TIAM2: variants seen among roughly 807,000 people sequenced by gnomAD.
TIAM2 encodes TIAM Rac1 associated GEF 2.
Under a neutral mutation model 152.9 loss-of-function variants are expected in TIAM2, and 80 were observed. The ratio of observed to expected loss-of-function variants is 0.52; its 90% CI spans 0.44 to 0.63. TIAM2 has a LOEUF of 0.63. Ranked by LOEUF, TIAM2 falls within the 30% of genes least tolerant of loss-of-function variation. The pLI is 0.00. For synonymous variants in TIAM2, 804 were observed against 838.0 expected, an observed-to-expected ratio of 0.96 and a Z score of 0.70; for missense variants, 1,965 against 2,120.1, an observed-to-expected ratio of 0.93 and a Z score of 1.44.
At chr6:155,233,150 C>T (rs529927925) in intron 15 of TIAM2, among the ~76,000 whole-genome samples, 4 of 152,238 alleles carry the variant, frequency 2.6e-5, no homozygotes, top group East Asian at 3.9e-4. Context: ...AAATTTCAGG[C>T]ATAGTCTTGA....
At chr6:155,025,246 T>A (rs9397216) in intron 1 of TIAM2, among the ~76,000 whole-genome samples, 132,367 of 148,128 alleles carry the variant, frequency 0.89, 59,236 homozygotes, top group Middle Eastern at 0.93. Context: ...CAGGCTGGAG[T>A]GCAGTGGCAT....
chr6:155,165,878 C>A (rs758587972), intron 9 of TIAM2, among the ~76,000 whole-genome samples: 1 of 151,854 alleles, frequency 6.6e-6, no homozygotes, highest in Non-Finnish European at 1.5e-5. Flanking sequence ...CACAAGTTGC[C>A]GTATCTATCC....
At chr6:155,086,540 C>G (rs9384281) in intron 1 of TIAM2, among the ~76,000 whole-genome samples, 1 of 152,104 alleles carries the variant, frequency 6.6e-6, no homozygotes, top group African/African-American at 2.4e-5. Context: ...AACCCCATCT[C>G]TACTAAAAAT....
chr6:155,087,908 G>A (rs1778208621), intron 1 of TIAM2, among the ~76,000 whole-genome samples: 1 of 135,800 alleles, frequency 7.4e-6, no homozygotes, highest in Admixed American at 7.6e-5. Context: ...TGTCGCCTTG[G>A]TCAAATCACA....
In TIAM2 at chr6:155,199,545, T is replaced by C. The variant is rs149905945; in HGVS notation, c.3065-11659T>C. The stretch of plus-strand genomic sequence containing the variant: ...GTGACCATGGGCAGGTTACTATAAC[T>C]ATTTTCTTGACTCTTAAAACAAGGG... On this transcript the variant is annotated intron_variant, in intron 14 of 26. Coordinates refer to ENST00000682666, the MANE Select transcript of TIAM2 (RefSeq NM_012454.4). 5.6e-4 allele frequency among the ~76,000 whole-genome samples: 86 copies of C among 152,352 alleles called. 1 individual carries two copies. The highest frequency in any genetic ancestry group is 2.1e-3 in the South Asian group (10 of 4,830).
At chr6:155,098,571 T>G (rs1019262794) in intron 2 of TIAM2, among the ~76,000 whole-genome samples, 42 of 152,324 alleles carry the variant, frequency 2.8e-4, no homozygotes, top group African/African-American at 9.9e-4. Flanking sequence ...TCCAACAGTT[T>G]TTGGTGGAGT....
At chr6:155,242,278 G>A (rs551629027) in intron 16 of TIAM2, among the ~76,000 whole-genome samples, 1 of 152,322 alleles carries the variant, frequency 6.6e-6, no homozygotes, top group South Asian at 2.1e-4. Flanking sequence ...CTTGGCACCT[G>A]TTGTGATTCA....
At chr6:155,060,984 G>A (rs1317468890) in intron 1 of TIAM2, among the ~76,000 whole-genome samples, 1 of 149,494 alleles carries the variant, frequency 6.7e-6, no homozygotes, top group Non-Finnish European at 1.5e-5. Context: ...ACAGGTACCT[G>A]GTTCATCTTC....
rs199581436 is a variant in TIAM2, at chr6:155,114,771, GA to G, written c.-117-12718del. Among the ~76,000 whole-genome samples, 1,338 of 152,172 alleles carry G rather than the reference GA, an allele frequency of 8.8e-3. 20 individuals carry two copies. The highest frequency in any genetic ancestry group is 0.03 in the African/African-American group (1,227 of 41,508). On this transcript the variant is annotated intron_variant, in intron 2 of 26. Transcript: ENST00000682666. ...TTAGAGAAGGATGTTTAAGATGTTT[GA>G]TTTGTGAAAGGGGCATGGATTGATC...
intron 1 of TIAM2, among the ~76,000 whole-genome samples, chr6:155,085,833 G>A (rs1019132765): frequency 2.6e-5 from 4 of 152,194 alleles, no homozygotes; most frequent in Admixed American, 6.5e-5. Flanking sequence ...CTGTCCACAC[G>A]TGGCACCTAT....
intron 1 of TIAM2, among the ~76,000 whole-genome samples, chr6:155,082,589 G>T (rs1308372258): frequency 6.6e-6 from 1 of 151,754 alleles, no homozygotes; most frequent in African/African-American, 2.4e-5. Flanking sequence ...GGCGGAGGTT[G>T]CAGTGAGCCA....
intron 1 of TIAM2, among the ~76,000 whole-genome samples, chr6:155,022,921 G>A (rs768324592): frequency 6.6e-6 from 1 of 152,198 alleles, no homozygotes; most frequent in Admixed American, 6.5e-5. Flanking sequence ...AGCCATGGAC[G>A]TGGATAAAGT....
At chr6:155,039,169 A>G (rs1222208446) in intron 1 of TIAM2, among the ~76,000 whole-genome samples, 1 of 151,306 alleles carries the variant, frequency 6.6e-6, no homozygotes, top group African/African-American at 2.4e-5. Flanking sequence ...CCATGTTGTC[A>G]AGGCTGGTCT....
chr6:155,180,219 C>T (rs1266188652), intron 12 of TIAM2, among the ~76,000 whole-genome samples: 1 of 152,146 alleles, frequency 6.6e-6, no homozygotes, highest in African/African-American at 2.4e-5. Flanking sequence ...GCAGAGGTTG[C>T]AGTGAGCCGT....
chr6:155,165,470 G>A (rs76878547), intron 9 of TIAM2, 61 bp downstream of exon 9: 25,748 of 1,557,926 alleles, frequency 0.017, 267 homozygotes, highest in Non-Finnish European at 0.02. Flanking sequence ...CCTAATTTTC[G>A]GCCTGCTATG....
At chr6:155,074,987 G>A (rs1229602082) in intron 1 of TIAM2, among the ~76,000 whole-genome samples, 1 of 151,816 alleles carries the variant, frequency 6.6e-6, no homozygotes, top group African/African-American at 2.4e-5. Context: ...AATGGGTCTC[G>A]ATGCAATTCT....
intron 7 of TIAM2, among the ~76,000 whole-genome samples, chr6:155,152,456 CTCTG>C (rs1225258191): frequency 2.0e-5 from 3 of 152,314 alleles, no homozygotes; most frequent in Admixed American, 6.5e-5. Context: ...CCTCCCCGCT[CTCTG>C]TCTGTGTGGA....
rs1280188310 is a variant in TIAM2, at chr6:155,257,446, T to G, written c.*325T>G. The G allele has an allele frequency of 1.5e-5, 5 of 338,936 alleles. No homozygotes were observed. In the East Asian group the frequency reaches 3.5e-4, roughly 24 times the overall value. 21.0% of individuals were successfully genotyped at this position (338,936 alleles called of 1,614,324 possible). A position where few individuals can be genotyped will look rare whatever the true frequency, so the allele number is the denominator to read the frequency against. ...GGCTGGGGAAGTCGTGATTAATAGT[T>G]TTCAAAGGGCCATTTTTTAAAATCC... On this transcript the variant is annotated 3_prime_UTR_variant, in exon 27 of 27. Transcript: ENST00000682666.
At chr6:155,135,034 A>AT (rs1437009336) in intron 4 of TIAM2, among the ~76,000 whole-genome samples, 1 of 152,082 alleles carries the variant, frequency 6.6e-6, no homozygotes. Flanking sequence ...CAAATTGACA[A>AT]TTAAAAAAAA....
Sources: allele counts gnomAD v4.1 joint callset (sites outside exome capture counted in the v4.1 genomes callset), GRCh38; gene constraint gnomAD v4.1.1; transcripts MANE v1.5; gene names NCBI Gene and HGNC (gene_info 2026-07-23, HGNC 2026-07-21).